Variants in SMC3 observed in about 807,000 individuals in gnomAD.
SMC3 encodes the protein structural maintenance of chromosomes 3, also known as structural maintenance of chromosomes protein 3.
SMC3 carries 20 observed loss-of-function variants against 171.8 expected under a neutral mutation model. That is an observed-to-expected ratio of 0.12 (90% confidence interval 0.08 to 0.17). SMC3 has a LOEUF of 0.17. Among genes scored for constraint, SMC3 ranks in the 10% least tolerant of loss-of-function variants. The pLI is 1.00. For missense variants in SMC3, 543 were observed against 1,420.4 expected (o/e 0.38, Z 9.93); for synonymous variants, 464 against 451.1 (o/e 1.03, Z -0.36).
intron 28 of SMC3, 125 bp from the exon 29 acceptor site, chr10:110,604,106 A>C (rs1481797418): frequency 1.2e-5 from 6 of 517,170 alleles, no homozygotes; most frequent in South Asian, 3.8e-5. Context: ...AAAAAAAAAA[A>C]AAAAAAAAAA....
intron 13 of SMC3, among the ~76,000 whole-genome samples, chr10:110,589,127 C>T (rs2134734768): frequency 6.6e-6 from 1 of 152,160 alleles, no homozygotes; most frequent in African/African-American, 2.4e-5. Context: ...CAGTGTCTCA[C>T]GCCTGTAATC....
intron 4 of SMC3, among the ~76,000 whole-genome samples, chr10:110,575,677 TATATC>T (rs1477220705): frequency 6.6e-6 from 1 of 152,234 alleles, no homozygotes; most frequent in Non-Finnish European, 1.5e-5. Flanking sequence ...AGACATGATA[TATATC>T]ATAAGTGTTT....
chr10:110,605,436 T>A lies in SMC3; in HGVS notation c.*1134T>A, dbSNP rs933806953. On this transcript the variant is annotated 3_prime_UTR_variant, in exon 29 of 29. Transcript: ENST00000361804. The stretch of plus-strand genomic sequence containing the variant: ...TTTACCTTTAATTTCTTTTTCTTGA[T>A]TTCCCCTGGCCTGAGTTTATACTGG... Among the ~76,000 whole-genome samples the A allele has an allele frequency of 6.6e-6, 1 of 152,220 alleles. No individual in the cohort carries two copies. Among genetic ancestry groups the A allele is most frequent in the African/African-American group, 2.4e-5 (1 of 41,466 alleles).
intron 7 of SMC3, among the ~76,000 whole-genome samples, chr10:110,580,068 GAAAT>G (rs1363229755): frequency 1.3e-5 from 2 of 151,910 alleles, no homozygotes; most frequent in Non-Finnish European, 2.9e-5. Context: ...AGTACAATAA[GAAAT>G]AATACAAATT....
chr10:110,577,970 G>GT, intron 6 of SMC3, 56 bp downstream of exon 6: 1 of 1,195,770 alleles, frequency 8.4e-7, no homozygotes. Flanking sequence ...TAGAGATGGG[G>GT]TATTGCTGTG....
chr10:110,567,744 G>T lies in SMC3; in HGVS notation c.-73G>T. 1.9e-6 allele frequency: 3 copies of T among 1,583,124 alleles called. No individual in the cohort carries two copies. Among genetic ancestry groups the T allele is most frequent in the Non-Finnish European group, 2.6e-6 (3 of 1,153,294 alleles). On this transcript the variant is annotated 5_prime_UTR_variant, in exon 1 of 29. Coordinates refer to ENST00000361804, the MANE Select transcript of SMC3 (RefSeq NM_005445.4). ...GCTTTGGGGGAGGGGTCGCGTAGGC[G>T]CCTCACCTGACCCTGCGGCCGTGCG...
In SMC3 at chr10:110,584,454, T is replaced by TTTTA. The variant is rs1861077544; in HGVS notation, c.1305+60_1305+63dup. 3.4e-6 allele frequency: 4 copies of TTTTA among 1,186,648 alleles called. No homozygotes were observed. The East Asian group carries it at 7.0e-5, about 21-fold the overall frequency. The allele number at this position is 1,186,648 out of a possible 1,614,324, so 73.5% of individuals were successfully genotyped here. On this transcript the variant is annotated intron_variant, in intron 13 of 28. Transcript: ENST00000361804. ...TTTCAGAAGAGATAAATGTGTTTAG[T>TTTTA]TTTATCTACTTCAAGTTTTCTTTTT...
intron 21 of SMC3, among the ~76,000 whole-genome samples, chr10:110,600,161 CAT>C (rs369771662): frequency 1.3e-5 from 2 of 152,156 alleles, no homozygotes; most frequent in African/African-American, 4.8e-5. Context: ...TTTAAAACTG[CAT>C]AGATGTAAAC....
At chr10:110,596,588 G>A (rs1439742916) in intron 19 of SMC3, 38 bp downstream of exon 19, 4 of 1,590,362 alleles carry the variant, frequency 2.5e-6, no homozygotes, top group Non-Finnish European at 2.6e-6. Context: ...AGATATTGTG[G>A]GGGAAGAACT....
At chr10:110,592,290 T>A (rs181428680) in intron 17 of SMC3, among the ~76,000 whole-genome samples, 2 of 150,822 alleles carry the variant, frequency 1.3e-5, no homozygotes, top group African/African-American at 4.9e-5. Flanking sequence ...TTTATAGAAC[T>A]GGGAAGTGCA....
At chr10:110,578,507 A>G (rs1200759745) in intron 6 of SMC3, 121 bp from the exon 7 acceptor site, 3 of 717,600 alleles carry the variant, frequency 4.2e-6, no homozygotes, top group Non-Finnish European at 5.0e-6. Flanking sequence ...TGAGGATGAT[A>G]CAGATGGTTT....
At position 110,605,407 on chromosome 10, in the gene SMC3, A is replaced by G. The variant is rs1041214652; in HGVS notation, c.*1105A>G. ...AGGCAGTTTTATTTCTTCCTTTTCA[A>G]ATATTTACCTTTAATTTCTTTTTCT... On this transcript the variant is annotated 3_prime_UTR_variant, in exon 29 of 29. Transcript: ENST00000361804. Among the ~76,000 whole-genome samples, 2 of 152,096 alleles carry G rather than the reference A, an allele frequency of 1.3e-5. No individual in the cohort carries two copies. The highest frequency in any genetic ancestry group is 2.9e-5 in the Non-Finnish European group (2 of 68,004).
At position 110,601,051 on chromosome 10, in the gene SMC3, G is replaced by C; in HGVS notation, c.2565G>C (p.Gly855=). ...QELNELRETE[G]GTVLTATTSE... ...TTAATGAGCTGAGAGAGACAGAAGG[G>C]GGTACTGTTCTCACAGCCACAACAT... is the stretch of plus-strand genomic sequence containing the variant. The change falls in exon 23 of 29, where the codon GGG becomes GGC. Residue 855 remains glycine, a synonymous_variant. Transcript: ENST00000361804. The C allele has an allele frequency of 6.2e-7, 1 of 1,613,252 alleles. No individual in the cohort carries two copies. Among genetic ancestry groups the C allele is most frequent in the African/African-American group, 1.3e-5 (1 of 74,960 alleles).
At position 110,602,620 on chromosome 10, in the gene SMC3, A is replaced by G. The variant is rs772743951; in HGVS notation, c.3252A>G (p.Gln1084=). The G allele has an allele frequency of 3.1e-6, 5 of 1,613,968 alleles. No individual in the cohort carries two copies. The highest frequency in any genetic ancestry group is 3.3e-5 in the Admixed American group (2 of 59,988). The change falls in exon 26 of 29, where the codon CAA becomes CAG. Residue 1084 remains glutamine (Q), a synonymous_variant. Coordinates refer to ENST00000361804, the MANE Select transcript of SMC3 (RefSeq NM_005445.4). ...SGESERGSGS[Q]SSVPSVDQFT... ...AGAGTGAGAGGGGTTCTGGCTCACA[A>G]AGCAGTGTCCCATCAGTTGACCAGT...
intron 9 of SMC3, 50 bp downstream of exon 9, chr10:110,582,148 G>T: frequency 6.7e-7 from 1 of 1,500,318 alleles, no homozygotes; most frequent in South Asian, 1.1e-5. Flanking sequence ...TTGTTTTTAT[G>T]AATTTGTTAA....
intron 13 of SMC3, among the ~76,000 whole-genome samples, chr10:110,587,448 G>A (rs748437753): frequency 2.0e-5 from 3 of 152,148 alleles, no homozygotes; most frequent in African/African-American, 7.2e-5. Flanking sequence ...TTGGGAGGCC[G>A]AGGTGGACGG....
At position 110,568,922 on chromosome 10, in the gene SMC3, G is replaced by GT; in HGVS notation, c.16-10dup. On this transcript the variant is annotated splice_polypyrimidine_tract_variant and intron_variant, in intron 1 of 28. Transcript: ENST00000361804. ...TTTTGTGGGGTGGGTTCTCAAAAATGTTTTTTATTTACTAGGTGATTATCC... is the reference window on the plus strand; with the variant it reads ...TTTTGTGGGGTGGGTTCTCAAAAATGTTTTTTTATTTACTAGGTGATTATCC... 3 of 1,514,448 alleles carry GT rather than the reference G, an allele frequency of 2.0e-6. No individual in the cohort carries two copies. Among genetic ancestry groups the GT allele is most frequent in the South Asian group, 2.2e-5 (2 of 88,928 alleles). 93.8% of individuals were successfully genotyped at this position (1,514,448 alleles called of 1,614,324 possible).
rs144064788 is a variant in SMC3 at position 110,602,288 on chromosome 10, T to C, written c.3105+110T>C. The C allele has an allele frequency of 7.3e-4, 787 of 1,071,430 alleles. 4 individuals are homozygous for C. The African/African-American group carries it at 0.011, about 15-fold the overall frequency. 66.4% of individuals were successfully genotyped at this position (1,071,430 alleles called of 1,614,324 possible). A position where few individuals can be genotyped will look rare whatever the true frequency, so the allele number is the denominator to read the frequency against. ...TTTCCTCATTACCAGGTGAATCTAA[T>C]ACATGTGAACAAACCTAGCATATAG... is the stretch of plus-strand genomic sequence containing the variant. On this transcript the variant is annotated intron_variant, in intron 25 of 28. Coordinates refer to ENST00000361804, the MANE Select transcript of SMC3 (RefSeq NM_005445.4).
intron 13 of SMC3, among the ~76,000 whole-genome samples, chr10:110,587,672 C>A (rs184982789): frequency 7.0e-6 from 1 of 143,366 alleles, no homozygotes; most frequent in African/African-American, 2.6e-5. Flanking sequence ...GACGACAGAG[C>A]GAGACTCCGT....
Sources: allele counts gnomAD v4.1 joint callset (sites outside exome capture counted in the v4.1 genomes callset), GRCh38; gene constraint gnomAD v4.1.1; transcripts MANE v1.5; gene names NCBI Gene and HGNC (gene_info 2026-07-23, HGNC 2026-07-21).